DNAJC1: variants seen among roughly 807,000 people sequenced by gnomAD.
DNAJC1 encodes DnaJ heat shock protein family (Hsp40) member C1, also known as dnaJ homolog subfamily C member 1.
In DNAJC1, 58 loss-of-function variants were observed where a neutral mutation model predicts 76.6. The ratio of observed to expected loss-of-function variants is 0.76; its 90% CI spans 0.61 to 0.94. The LOEUF (loss-of-function observed/expected upper bound fraction) is 0.94, where lower values mean the gene tolerates loss of function less well. Among genes scored for constraint, DNAJC1 ranks in the 40% least tolerant of loss-of-function variants. DNAJC1 has a pLI of 0.00. For missense variants in DNAJC1, 689 were observed against 677.3 expected, an observed-to-expected ratio of 1.02 and a Z score of -0.19; for synonymous variants, 258 against 267.9, an observed-to-expected ratio of 0.96 and a Z score of 0.36.
chr10:21,916,405 C>A (rs939645580), intron 6 of DNAJC1, among the ~76,000 whole-genome samples: 3 of 152,082 alleles, frequency 2.0e-5, no homozygotes, highest in East Asian at 1.9e-4. Flanking sequence ...AGGAGAATGG[C>A]GTGAACCCGG....
intron 8 of DNAJC1, among the ~76,000 whole-genome samples, chr10:21,825,854 C>T (rs1366208281): frequency 6.6e-6 from 1 of 152,166 alleles, no homozygotes; most frequent in Non-Finnish European, 1.5e-5. Flanking sequence ...AAATCCTTTG[C>T]TCATCTTTGA....
intron 6 of DNAJC1, among the ~76,000 whole-genome samples, chr10:21,905,724 C>A (rs1176616097): frequency 6.6e-6 from 1 of 152,078 alleles, no homozygotes; most frequent in African/African-American, 2.4e-5. Flanking sequence ...AGCAGGTACT[C>A]AATAAGTATT....
chr10:21,952,620 A>C (rs7083643), intron 1 of DNAJC1, among the ~76,000 whole-genome samples: 1 of 152,190 alleles, frequency 6.6e-6, no homozygotes, highest in Non-Finnish European at 1.5e-5. Flanking sequence ...TTATCCAGGC[A>C]TAGTGGCGTG....
intron 9 of DNAJC1, among the ~76,000 whole-genome samples, chr10:21,804,305 A>G (rs1390810212): frequency 1.3e-5 from 2 of 152,100 alleles, no homozygotes; most frequent in East Asian, 3.8e-4. Flanking sequence ...TTCAAAGGAG[A>G]TAATACATTA....
intron 1 of DNAJC1, among the ~76,000 whole-genome samples, chr10:21,929,988 C>CT (rs1171860466): frequency 1.3e-5 from 2 of 152,002 alleles, no homozygotes; most frequent in Non-Finnish European, 2.9e-5. Flanking sequence ...GGGTTTAAAA[C>CT]TTTTTTTGAG....
At position 21,867,451 on chromosome 10, in the gene DNAJC1, A is replaced by G. The variant is rs142487063; in HGVS notation, c.978+14831T>C. ...TCTCAGTCATACTAGTCAAATTTCA[A>G]TTGCTCAAGAGCCACATACTGAGAA... On this transcript the variant is annotated intron_variant, in intron 8 of 11. Transcript: ENST00000376980. Among the ~76,000 whole-genome samples, 11 of 152,266 alleles carry G rather than the reference A, an allele frequency of 7.2e-5. No individual in the cohort carries two copies. In the East Asian group the frequency reaches 1.7e-3, roughly 24 times the overall value.
chr10:21,974,073 G>C (rs1838025486), intron 1 of DNAJC1, among the ~76,000 whole-genome samples: 1 of 149,690 alleles, frequency 6.7e-6, no homozygotes, highest in Admixed American at 6.7e-5. Context: ...CTGTACTCCA[G>C]CCTGGGCAAT....
intron 1 of DNAJC1, among the ~76,000 whole-genome samples, chr10:21,989,737 T>A (rs1481385285): frequency 6.6e-6 from 1 of 152,188 alleles, no homozygotes; most frequent in Non-Finnish European, 1.5e-5. Context: ...CCTGCAGGCT[T>A]GGTATCTGGA....
intron 7 of DNAJC1, among the ~76,000 whole-genome samples, chr10:21,897,241 C>A (rs936592807): frequency 1.3e-5 from 2 of 152,074 alleles, no homozygotes; most frequent in Non-Finnish European, 2.9e-5. Context: ...GAATTATATA[C>A]CATGTCCTCG....
At chr10:21,762,339 T>C (rs554037536) in intron 10 of DNAJC1, among the ~76,000 whole-genome samples, 1 of 152,300 alleles carries the variant, frequency 6.6e-6, no homozygotes, top group South Asian at 2.1e-4. Flanking sequence ...AAAATATTAA[T>C]ATTAAAAACA....
chr10:21,954,907 T>G (rs1465648476), intron 1 of DNAJC1, among the ~76,000 whole-genome samples: 1 of 152,186 alleles, frequency 6.6e-6, no homozygotes, highest in Admixed American at 6.5e-5. Flanking sequence ...ACCCGAGCAG[T>G]GTGCCAGGGT....
At chr10:21,873,758 A>G (rs1836142400) in intron 8 of DNAJC1, among the ~76,000 whole-genome samples, 1 of 152,232 alleles carries the variant, frequency 6.6e-6, no homozygotes, top group African/African-American at 2.4e-5. Flanking sequence ...TTTTCTTTTT[A>G]AAAACCTAAT....
chr10:21,928,623 A>G (rs1264959570), intron 2 of DNAJC1, 71 bp from the exon 3 acceptor site: 6 of 1,202,984 alleles, frequency 5.0e-6, no homozygotes, highest in Non-Finnish European at 7.4e-6. Context: ...GGGTGAAGGC[A>G]CTACAATACA....
intron 9 of DNAJC1, among the ~76,000 whole-genome samples, chr10:21,786,453 TATATATATATAGAGAGAG>T (rs1479971219): frequency 2.6e-4 from 20 of 76,360 alleles, no homozygotes; most frequent in East Asian, 7.1e-4. Flanking sequence ...TATATATATA[TATATATATATAGAGAGAG>T]AGAGAGAGAG....
intron 7 of DNAJC1, among the ~76,000 whole-genome samples, chr10:21,884,141 A>G (rs1836330088): frequency 6.6e-6 from 1 of 152,182 alleles, no homozygotes; most frequent in Non-Finnish European, 1.5e-5. Flanking sequence ...GAGTAAACAA[A>G]TCAAGAGACA....
rs116677974 is a variant in DNAJC1, at chr10:22,001,358, A to G, written c.222+1855T>C. 1.1e-3 allele frequency among the ~76,000 whole-genome samples: 160 copies of G among 152,328 alleles called. 1 individual carries two copies. Among genetic ancestry groups the G allele is most frequent in the African/African-American group, 3.7e-3 (154 of 41,558 alleles). ...TCTAACAAAGTTAAGATTCAATGTA[A>G]AGAAAAAAACTTGTTCCATTCAGTT... On this transcript the variant is annotated intron_variant, in intron 1 of 11. Coordinates refer to ENST00000376980, the MANE Select transcript of DNAJC1 (RefSeq NM_022365.4).
chr10:21,782,750 T>C (rs941292040), intron 9 of DNAJC1, among the ~76,000 whole-genome samples: 4 of 152,174 alleles, frequency 2.6e-5, no homozygotes, highest in Non-Finnish European at 5.9e-5. Context: ...GTTGAACATA[T>C]GCAAATCAAT....
At chr10:21,980,872 A>C (rs1009829079) in intron 1 of DNAJC1, among the ~76,000 whole-genome samples, 6 of 152,030 alleles carry the variant, frequency 3.9e-5, no homozygotes, top group Non-Finnish European at 8.8e-5. Context: ...TTTCAGACTA[A>C]ATGTGTTCTT....
chr10:21,931,981 C>T (rs937480573), intron 1 of DNAJC1, among the ~76,000 whole-genome samples: 2 of 152,018 alleles, frequency 1.3e-5, no homozygotes, highest in Non-Finnish European at 2.9e-5. Context: ...GTCAGGTGAC[C>T]TCTATGAAGA....
Sources: allele counts gnomAD v4.1 joint callset (sites outside exome capture counted in the v4.1 genomes callset), GRCh38; gene constraint gnomAD v4.1.1; transcripts MANE v1.5; gene names NCBI Gene and HGNC (gene_info 2026-07-23, HGNC 2026-07-21).